PCSK5: variants seen among roughly 807,000 people sequenced by gnomAD.
PCSK5 encodes proprotein convertase subtilisin/kexin type 5, also known as prohormone convertase 5.
In PCSK5, 129 loss-of-function variants were observed where a neutral mutation model predicts 233.2. The observed-to-expected ratio is 0.55, with a 90% CI of 0.48 to 0.64. The LOEUF (loss-of-function observed/expected upper bound fraction) is 0.64, where lower values mean the gene tolerates loss of function less well. PCSK5 is among the 30% of genes least tolerant of loss of function. PCSK5 has a pLI of 0.00. For missense variants in PCSK5, 2,076 were observed against 2,430.1 expected (o/e 0.85, Z 3.06); for synonymous variants, 825 against 879.2 (o/e 0.94, Z 1.09).
At chr9:76,315,013 C>T (rs577340931) in intron 30 of PCSK5, among the ~76,000 whole-genome samples, 12 of 151,288 alleles carry the variant, frequency 7.9e-5, no homozygotes, top group Admixed American at 2.0e-4. Context: ...CAGGCAATGG[C>T]GCCATCTCAG....
chr9:76,003,426 G>C (rs960498372), intron 3 of PCSK5, among the ~76,000 whole-genome samples: 1 of 151,992 alleles, frequency 6.6e-6, no homozygotes, highest in Admixed American at 6.6e-5. Flanking sequence ...CCAATAGTTT[G>C]TTTTAATAAA....
At chr9:76,064,740 G>A (rs905195526) in intron 5 of PCSK5, among the ~76,000 whole-genome samples, 1 of 147,756 alleles carries the variant, frequency 6.8e-6, no homozygotes, top group Non-Finnish European at 1.5e-5. Flanking sequence ...ACGGGGTCTC[G>A]GCCGGGCAGA....
chr9:75,895,333 A>C (rs1274983165), intron 1 of PCSK5, among the ~76,000 whole-genome samples: 4 of 152,220 alleles, frequency 2.6e-5, no homozygotes, highest in Non-Finnish European at 5.9e-5. Context: ...GCTTGCAGCG[A>C]AAGGTTTGTT....
At chr9:76,293,487 T>G (rs1464234908) in intron 25 of PCSK5, among the ~76,000 whole-genome samples, 1 of 152,232 alleles carries the variant, frequency 6.6e-6, no homozygotes, top group Non-Finnish European at 1.5e-5. Context: ...TCTCACTCTG[T>G]GGCCCAGGCT....
chr9:76,256,503 A>G (rs898373984), intron 24 of PCSK5, among the ~76,000 whole-genome samples: 2 of 152,220 alleles, frequency 1.3e-5, no homozygotes, highest in Admixed American at 1.3e-4. Context: ...CTGTGACATT[A>G]AACGTCCAAG....
In PCSK5 at chr9:76,046,468, G is replaced by A. The variant is rs1258096; in HGVS notation, c.632+19431G>A. Among the ~76,000 whole-genome samples, 743 of 147,962 alleles carry A rather than the reference G, an allele frequency of 5.0e-3. 2 individuals are homozygous for A. The highest frequency in any genetic ancestry group is 7.6e-3 in the Admixed American group (112 of 14,810). On this transcript the variant is annotated intron_variant, in intron 5 of 37. Transcript: ENST00000674117. Reference sequence around the variant, plus strand: ...TGGGATTACAGGCGTGAGCCACCGCGCCCAGCCAATTTTTTCTTTTATATT... The same window carrying A: ...TGGGATTACAGGCGTGAGCCACCGCACCCAGCCAATTTTTTCTTTTATATT...
chr9:76,184,845 A>C, intron 17 of PCSK5, 88 bp downstream of exon 17: 1 of 762,042 alleles, frequency 1.3e-6, no homozygotes. Flanking sequence ...CAAGTAAATA[A>C]ACAGCTCTCT....
At chr9:76,171,016 G>A (rs552188141) in intron 13 of PCSK5, among the ~76,000 whole-genome samples, 259 of 152,302 alleles carry the variant, frequency 1.7e-3, no homozygotes, top group African/African-American at 5.7e-3. Context: ...CAATGAATCA[G>A]GATAAACGTT....
chr9:76,323,156 C>T lies in PCSK5; in HGVS notation c.4207C>T (p.Leu1403=). 6.2e-7 allele frequency: 1 copy of T among 1,612,462 alleles called. No homozygotes were observed. Among genetic ancestry groups the T allele is most frequent in the South Asian group, 1.1e-5 (1 of 91,070 alleles). The change falls in exon 32 of 38, where the codon CTG becomes TTG. Residue 1403 remains leucine, a synonymous_variant. Coordinates refer to ENST00000674117, the MANE Select transcript of PCSK5 (RefSeq NM_001372043.1). ...RHCVPCHKDC[L]ECSGPKADDC... ...CTGTGTCCCCTGCCATAAAGACTGTCTGGAGTGCAGTGGCCCCAAAGCCGA... is the reference window on the plus strand; with the variant it reads ...CTGTGTCCCCTGCCATAAAGACTGTTTGGAGTGCAGTGGCCCCAAAGCCGA...
chr9:76,169,976 G>A (rs1430044825), intron 13 of PCSK5, 136 bp downstream of exon 13: 7 of 681,542 alleles, frequency 1.0e-5, no homozygotes, highest in Non-Finnish European at 1.8e-5. Context: ...TGAATTACCT[G>A]CATGTATTTC....
intron 24 of PCSK5, among the ~76,000 whole-genome samples, chr9:76,263,755 G>A (rs1042671939): frequency 6.6e-6 from 1 of 151,280 alleles, no homozygotes; most frequent in Admixed American, 6.6e-5. Context: ...TTGTGCACAT[G>A]TACCCTAAAA....
chr9:76,328,115 C>T lies in PCSK5; in HGVS notation c.4446C>T (p.Cys1482=), dbSNP rs766918473. ...PRGSCMANEK[C]SPSEYWDEDA... ...GGAGCTGCATGGCCAACGAGAAGTG[C>T]TCACCCTCCGAGTACTGGGATGAGG... The change falls in exon 33 of 38, where the codon TGC becomes TGT. Residue 1482 remains cysteine, a synonymous_variant. Coordinates refer to ENST00000674117, the MANE Select transcript of PCSK5 (RefSeq NM_001372043.1). The T allele has an allele frequency of 2.5e-6, 4 of 1,612,810 alleles. No homozygotes were observed. Among genetic ancestry groups the T allele is most frequent in the African/African-American group, 2.7e-5 (2 of 75,050 alleles).
chr9:76,129,998 G>T (rs771908569), intron 9 of PCSK5, among the ~76,000 whole-genome samples: 1 of 152,070 alleles, frequency 6.6e-6, no homozygotes, highest in Non-Finnish European at 1.5e-5. Flanking sequence ...GCCTGGCTGC[G>T]AACCACATCC....
intron 2 of PCSK5, among the ~76,000 whole-genome samples, chr9:75,970,815 G>A (rs1825787370): frequency 6.6e-6 from 1 of 152,026 alleles, no homozygotes; most frequent in African/African-American, 2.4e-5. Flanking sequence ...TAGAGAGGAA[G>A]TTTCACCGTG....
intron 5 of PCSK5, among the ~76,000 whole-genome samples, chr9:76,052,720 C>T (rs946100140): frequency 6.6e-6 from 1 of 152,166 alleles, no homozygotes; most frequent in Non-Finnish European, 1.5e-5. Context: ...AGCAGTCCTT[C>T]AAAGTCTTAA....
At chr9:76,268,317 A>C (rs1224659082) in intron 24 of PCSK5, among the ~76,000 whole-genome samples, 1 of 152,180 alleles carries the variant, frequency 6.6e-6, no homozygotes, top group African/African-American at 2.4e-5. Flanking sequence ...GTCAGCTGGT[A>C]ATGCGTTTCT....
intron 24 of PCSK5, among the ~76,000 whole-genome samples, chr9:76,255,653 G>A (rs1440652268): frequency 3.9e-5 from 6 of 152,048 alleles, no homozygotes; most frequent in African/African-American, 1.4e-4. Context: ...ACACATCAAG[G>A]CCCCATTTCT....
At chr9:76,219,223 G>T (rs1825642745) in intron 20 of PCSK5, among the ~76,000 whole-genome samples, 1 of 152,154 alleles carries the variant, frequency 6.6e-6, no homozygotes, top group Non-Finnish European at 1.5e-5. Flanking sequence ...AATAGGAAAG[G>T]AGTGTGGGAG....
At chr9:76,322,506 C>G (rs1829237085) in intron 31 of PCSK5, among the ~76,000 whole-genome samples, 1 of 152,142 alleles carries the variant, frequency 6.6e-6, no homozygotes, top group South Asian at 2.1e-4. Context: ...AAAGTATTCT[C>G]TTGGTGTGAC....
Sources: allele counts gnomAD v4.1 joint callset (sites outside exome capture counted in the v4.1 genomes callset), GRCh38; gene constraint gnomAD v4.1.1; transcripts MANE v1.5; gene names NCBI Gene and HGNC (gene_info 2026-07-23, HGNC 2026-07-21).